Variants in TENM3 observed in about 807,000 individuals in gnomAD.
TENM3 encodes the protein teneurin transmembrane protein 3, also known as teneurin-3.
TENM3 carries 63 observed loss-of-function variants against 255.1 expected under a neutral mutation model. The observed-to-expected ratio is 0.25, with a 90% CI of 0.20 to 0.30. The LOEUF (loss-of-function observed/expected upper bound fraction) is 0.30. TENM3 is among the 10% of genes least tolerant of loss of function. The pLI, the probability that TENM3 is intolerant of heterozygous loss-of-function variation, is 1.00. For synonymous variants in TENM3, 1,306 were observed against 1,322.3 expected, an observed-to-expected ratio of 0.99 and a Z score of 0.27; for missense variants, 2,929 against 3,461.1, an observed-to-expected ratio of 0.85 and a Z score of 3.86.
the TENM3 span, among the ~76,000 whole-genome samples, chr4:181,787,263 T>C: frequency 1.8e-4 from 28 of 151,756 alleles, no homozygotes; most frequent in African/African-American, 6.8e-4. Flanking sequence ...AGATACCAAA[T>C]GATAAACAAG....
intron 1 of TENM3, among the ~76,000 whole-genome samples, chr4:182,153,035 A>G (rs927519469): frequency 2.0e-5 from 3 of 151,884 alleles, no homozygotes; most frequent in African/African-American, 7.2e-5. Flanking sequence ...AATTATCTAC[A>G]CTTGGGCTTT....
the TENM3 span, among the ~76,000 whole-genome samples, chr4:181,471,098 T>C: frequency 6.6e-6 from 1 of 152,180 alleles, no homozygotes; most frequent in Non-Finnish European, 1.5e-5. Context: ...ACTCCTGGAC[T>C]GGCATGACAA....
intron 3 of TENM3, among the ~76,000 whole-genome samples, chr4:182,545,606 C>T (rs963717137): frequency 3.9e-5 from 6 of 152,054 alleles, no homozygotes; most frequent in Non-Finnish European, 7.4e-5. Flanking sequence ...TGGGCCTTCT[C>T]CTGTTTTGGA....
At chr4:182,713,401 A>G (rs948914319) in intron 12 of TENM3, among the ~76,000 whole-genome samples, 3 of 152,162 alleles carry the variant, frequency 2.0e-5, no homozygotes. Flanking sequence ...CTGAATCCTA[A>G]TGTTTGTTAG....
At chr4:181,992,015 T>A in the TENM3 span, among the ~76,000 whole-genome samples, 1 of 152,272 alleles carries the variant, frequency 6.6e-6, no homozygotes, top group East Asian at 1.9e-4. Flanking sequence ...TTTAAAAAAA[T>A]TCTCAAATGG....
chr4:182,161,658 C>CACAAATATATATGTATATATAT (rs1751216614), intron 1 of TENM3, among the ~76,000 whole-genome samples: 33 of 85,194 alleles, frequency 3.9e-4, no homozygotes, highest in Middle Eastern at 6.9e-3. Context: ...TATATACACA[C>CACAAATATATATGTATATATAT]ACACAAATAT....
chr4:181,975,825 C>T, the TENM3 span: 4 of 152,154 alleles, frequency 2.6e-5, no homozygotes, highest in Admixed American at 1.3e-4. Flanking sequence ...ACATGTGTTT[C>T]CTTGGTCTGC....
At chr4:181,678,841 CA>C in the TENM3 span, among the ~76,000 whole-genome samples, 25 of 102,860 alleles carry the variant, frequency 2.4e-4, no homozygotes, top group African/African-American at 4.4e-4. Flanking sequence ...ATGTTTTAAA[CA>C]AAAAAAAAAA....
intron 4 of TENM3, among the ~76,000 whole-genome samples, chr4:182,602,590 C>T (rs905121217): frequency 1.3e-5 from 2 of 152,120 alleles, no homozygotes; most frequent in South Asian, 4.1e-4. Flanking sequence ...ATATCAGCCA[C>T]GAGTAGTTGA....
At chr4:181,612,785 A>G in the TENM3 span, among the ~76,000 whole-genome samples, 1 of 152,222 alleles carries the variant, frequency 6.6e-6, no homozygotes, top group African/African-American at 2.4e-5. Flanking sequence ...ATATTACTTC[A>G]GTTGAGGCCT....
chr4:181,552,085 G>A, the TENM3 span, among the ~76,000 whole-genome samples: 3 of 152,020 alleles, frequency 2.0e-5, no homozygotes, highest in Admixed American at 6.6e-5. Flanking sequence ...TAAATGTAAA[G>A]AACATTAATA....
At chr4:182,786,781 G>A (rs1352061494) in intron 24 of TENM3, among the ~76,000 whole-genome samples, 1 of 152,098 alleles carries the variant, frequency 6.6e-6, no homozygotes, top group Non-Finnish European at 1.5e-5. Context: ...TAACATGGCA[G>A]CACTGTCCCT....
chr4:182,147,739 C>T (rs879431368), intron 1 of TENM3, among the ~76,000 whole-genome samples: 13 of 152,076 alleles, frequency 8.5e-5, no homozygotes, highest in Non-Finnish European at 1.3e-4. Flanking sequence ...AAACGTTTAC[C>T]GTGGTCCATA....
At chr4:181,834,448 G>A in the TENM3 span, among the ~76,000 whole-genome samples, 1 of 152,216 alleles carries the variant, frequency 6.6e-6, no homozygotes, top group Admixed American at 6.5e-5. Flanking sequence ...CCGCATAAGG[G>A]AGCTGGGCTG....
the TENM3 span, among the ~76,000 whole-genome samples, chr4:182,016,622 A>G: frequency 1.3e-5 from 2 of 152,242 alleles, no homozygotes; most frequent in Non-Finnish European, 2.9e-5. Context: ...CACATTCTCT[A>G]TAGGCAACTT....
intron 8 of TENM3, 112 bp downstream of exon 8, chr4:182,679,988 AG>A (rs1288565125): frequency 1.1e-6 from 1 of 926,780 alleles, no homozygotes; most frequent in Non-Finnish European, 1.6e-6. Context: ...GTTAAAGCCC[AG>A]GTAAAATGTG....
At chr4:181,888,488 AAATGTG>A in the TENM3 span, among the ~76,000 whole-genome samples, 2 of 85,222 alleles carry the variant, frequency 2.3e-5, no homozygotes, top group African/African-American at 8.2e-5. Flanking sequence ...AAACCAATAG[AAATGTG>A]TATATATATA....
intron 1 of TENM3, among the ~76,000 whole-genome samples, chr4:182,224,482 G>A (rs772767754): frequency 2.6e-5 from 4 of 152,136 alleles, no homozygotes; most frequent in Non-Finnish European, 5.9e-5. Context: ...GGCGAAAACT[G>A]TGTAAATTGA....
At chr4:182,621,624 TAAA>T (rs1561015676) in intron 4 of TENM3, among the ~76,000 whole-genome samples, 1,050 of 101,838 alleles carry the variant, frequency 0.01, 37 homozygotes, top group Middle Eastern at 0.016. Context: ...AATATATATA[TAAA>T]ATATATAATA....
Sources: allele counts gnomAD v4.1 joint callset (sites outside exome capture counted in the v4.1 genomes callset), GRCh38; gene constraint gnomAD v4.1.1; transcripts MANE v1.5; gene names NCBI Gene and HGNC (gene_info 2026-07-23, HGNC 2026-07-21).